The following SAMMSON variants were observed in gnomAD, a reference collection of about 807,000 sequenced individuals.
SAMMSON encodes the protein survival associated mitochondrial melanoma specific oncogenic non-coding RNA.
intron 4 of SAMMSON, among the ~76,000 whole-genome samples, chr3:70,119,165 C>T (rs1013142607): frequency 1.3e-5 from 2 of 152,140 alleles, no homozygotes; most frequent in Admixed American, 1.3e-4. Flanking sequence ...CTCTTGGGTT[C>T]AAGCAATTCT....
intron 6 of SAMMSON, among the ~76,000 whole-genome samples, chr3:70,278,359 G>T (rs985602585): frequency 2.6e-5 from 4 of 152,106 alleles, no homozygotes; most frequent in Non-Finnish European, 5.9e-5. Flanking sequence ...CCCAGTAGTT[G>T]GATATTATGA....
At chr3:70,089,510 A>G (rs1209487912) in intron 4 of SAMMSON, among the ~76,000 whole-genome samples, 1 of 138,878 alleles carries the variant, frequency 7.2e-6, no homozygotes, top group Non-Finnish European at 1.5e-5. Flanking sequence ...CACTGTGATA[A>G]CATCGTGCAT....
chr3:70,372,068 T>C (rs1180858788), intron 9 of SAMMSON, among the ~76,000 whole-genome samples: 2 of 152,148 alleles, frequency 1.3e-5, no homozygotes, highest in Non-Finnish European at 2.9e-5. Context: ...CATAAAATGC[T>C]TTTTATGTGT....
intron 4 of SAMMSON, among the ~76,000 whole-genome samples, chr3:70,170,778 G>A (rs779649827): frequency 6.6e-6 from 1 of 151,808 alleles, no homozygotes; most frequent in Admixed American, 6.6e-5. Context: ...TTTCCAAATA[G>A]AAGGGAAAAT....
chr3:70,365,774 C>A (rs974165595), intron 9 of SAMMSON, among the ~76,000 whole-genome samples: 3 of 151,724 alleles, frequency 2.0e-5, no homozygotes, highest in Non-Finnish European at 4.4e-5. Flanking sequence ...TAGTTTTATA[C>A]ATTTGTAATG....
chr3:70,320,890 C>T (rs1470886567), intron 7 of SAMMSON, among the ~76,000 whole-genome samples: 3 of 152,042 alleles, frequency 2.0e-5, no homozygotes, highest in South Asian at 2.1e-4. Flanking sequence ...TAGGCAACTT[C>T]ATTGTGTCAG....
rs1389286188 is a variant in SAMMSON at position 70,321,103 on chromosome 3, A to T, written n.739+29860A>T. ...CTTTATTGAAGTATAATTGGAGTAG[A>T]AATGACACAGGATCCAGGCTAATAA... is the stretch of plus-strand genomic sequence containing the variant. On this transcript the variant is annotated intron_variant and non_coding_transcript_variant, in intron 7 of 9. Coordinates refer to ENST00000642114, the Ensembl canonical transcript of SAMMSON. Among the ~76,000 whole-genome samples, 7 of 152,046 alleles carry T rather than the reference A, an allele frequency of 4.6e-5. No homozygotes were observed. The East Asian group carries it at 1.4e-3, about 29-fold the overall frequency.
intron 7 of SAMMSON, among the ~76,000 whole-genome samples, chr3:70,320,376 C>T (rs140510448): frequency 2.6e-5 from 4 of 152,168 alleles, no homozygotes; most frequent in African/African-American, 9.6e-5. Flanking sequence ...CTCCAAAACC[C>T]TCTTTTTTAA....
chr3:70,114,217 C>T (rs2067400836), intron 4 of SAMMSON, among the ~76,000 whole-genome samples: 1 of 152,106 alleles, frequency 6.6e-6, no homozygotes, highest in Non-Finnish European at 1.5e-5. Flanking sequence ...GTGCCAGTTT[C>T]CTTATGTGTG....
At chr3:70,099,463 A>C (rs1279165386) in intron 4 of SAMMSON, among the ~76,000 whole-genome samples, 4 of 152,166 alleles carry the variant, frequency 2.6e-5, no homozygotes, top group African/African-American at 9.6e-5. Flanking sequence ...TACCACAGCT[A>C]AATATCTTCT....
intron 7 of SAMMSON, among the ~76,000 whole-genome samples, chr3:70,311,564 G>C (rs1702453342): frequency 6.6e-6 from 1 of 151,942 alleles, no homozygotes; most frequent in Non-Finnish European, 1.5e-5. Flanking sequence ...AGTCTTCTTG[G>C]CTATAAAGGA....
chr3:70,171,626 G>A (rs1387818751), intron 4 of SAMMSON, among the ~76,000 whole-genome samples: 2 of 151,026 alleles, frequency 1.3e-5, no homozygotes, highest in Admixed American at 6.6e-5. Context: ...GGGGGGGGGA[G>A]CTTGACTCCC....
At chr3:70,211,483 TTTCCC>T (rs756119007) in intron 4 of SAMMSON, among the ~76,000 whole-genome samples, 340 of 52,304 alleles carry the variant, frequency 6.5e-3, no homozygotes, top group East Asian at 0.014. Context: ...CTTCCCTTCC[TTTCCC>T]TTCCCTTCCC....
chr3:70,048,393 A>G (rs967136558), intron 3 of SAMMSON, among the ~76,000 whole-genome samples: 13 of 152,138 alleles, frequency 8.5e-5, no homozygotes, highest in Non-Finnish European at 1.9e-4. Flanking sequence ...AGAGGTTTTT[A>G]TAAAGATTAA....
chr3:70,321,851 T>C (rs930776090), intron 7 of SAMMSON, among the ~76,000 whole-genome samples: 4 of 152,020 alleles, frequency 2.6e-5, no homozygotes, highest in Non-Finnish European at 5.9e-5. Context: ...GTAGACCAGA[T>C]ACTATTTCTT....
At chr3:70,405,210 T>G (rs1194399460) in intron 2 of SAMMSON, among the ~76,000 whole-genome samples, 2 of 152,150 alleles carry the variant, frequency 1.3e-5, no homozygotes, top group Admixed American at 6.5e-5. Context: ...AAACCCTACA[T>G]GAAAGCTTAT....
intron 3 of SAMMSON, among the ~76,000 whole-genome samples, chr3:70,021,439 C>G (rs1237380303): frequency 6.6e-6 from 1 of 152,098 alleles, no homozygotes; most frequent in Non-Finnish European, 1.5e-5. Context: ...AGTTCATCCA[C>G]TTATAAAATA....
At chr3:70,230,015 T>G (rs533502042) in intron 4 of SAMMSON, among the ~76,000 whole-genome samples, 1 of 152,302 alleles carries the variant, frequency 6.6e-6, no homozygotes, top group South Asian at 2.1e-4. Context: ...TTATCTAATT[T>G]TATCATATTA....
chr3:70,196,351 G>A (rs1701180332), intron 4 of SAMMSON, among the ~76,000 whole-genome samples: 1 of 152,096 alleles, frequency 6.6e-6, no homozygotes, highest in African/African-American at 2.4e-5. Context: ...GTAATTACAG[G>A]AACATGGTTT....
Sources: gnomAD v4.1 joint callset for allele counts (sites outside exome capture counted in the v4.1 genomes callset) on GRCh38, gnomAD v4.1.1 for gene constraint, MANE v1.5 for transcripts, NCBI Gene and HGNC (gene_info 2026-07-23, HGNC 2026-07-21) for gene names.